Variants in TMA16 observed in about 807,000 individuals in gnomAD.
TMA16 encodes translation machinery associated 16 homolog, also known as translation machinery-associated protein 16.
Under a neutral mutation model 27.1 loss-of-function variants are expected in TMA16, and 26 were observed. That is an observed-to-expected ratio of 0.96 (90% CI 0.70 to 1.33). The LOEUF (loss-of-function observed/expected upper bound fraction) is 1.33, where lower values mean the gene tolerates loss of function less well. Among genes scored for constraint, TMA16 ranks in the 40% most tolerant of loss-of-function variants. TMA16 has a pLI of 0.00. For missense variants in TMA16, 233 were observed against 241.4 expected (o/e 0.97, Z 0.23); for synonymous variants, 71 against 81.9 (o/e 0.87, Z 0.72).
intron 1 of TMA16, among the ~76,000 whole-genome samples, chr4:163,498,831 A>AT (rs1014214635): frequency 2.6e-5 from 4 of 151,756 alleles, no homozygotes; most frequent in Admixed American, 6.6e-5. Context: ...AATTTTTTAG[A>AT]TTTTTTTGTA....
chr4:163,519,636 T>C lies in TMA16; in HGVS notation c.*122T>C. On this transcript the variant is annotated 3_prime_UTR_variant, in exon 7 of 7. Transcript: ENST00000358572. ...GACATTCTCTTATATGATGAGAGTTTCATTTGCGTTTCAAAAATGGTGTTA... is the reference window on the plus strand; with the variant it reads ...GACATTCTCTTATATGATGAGAGTTCCATTTGCGTTTCAAAAATGGTGTTA... 1.0e-6 allele frequency: 1 copy of C among 973,042 alleles called. No individual in the cohort carries two copies. 60.3% of individuals were successfully genotyped at this position (973,042 alleles called of 1,614,324 possible).
rs376743723 is a variant in TMA16, at chr4:163,494,773, A to T, written c.-29A>T. The T allele has an allele frequency of 2.5e-6, 4 of 1,612,866 alleles. No homozygotes were observed. The highest frequency in any genetic ancestry group is 3.4e-6 in the Non-Finnish European group (4 of 1,180,006). On this transcript the variant is annotated 5_prime_UTR_variant, in exon 1 of 7. Coordinates refer to ENST00000358572, the MANE Select transcript of TMA16 (RefSeq NM_018352.3). ...GAGATTACCTGGGTCTAGAGTGCGG[A>T]GCTGCTCCGTGGCCACGAGGACGTC...
Position 163,517,050 on chromosome 4 carries a change from C to T in TMA16, c.389-384C>T, listed in dbSNP as rs568664657. 30 of 171,524 alleles carry T rather than the reference C, an allele frequency of 1.7e-4. 1 individual carries two copies. The highest frequency in any genetic ancestry group is 1.6e-3 in the Admixed American group (25 of 15,462). 10.6% of individuals were successfully genotyped at this position (171,524 alleles called of 1,614,324 possible). A position where few individuals can be genotyped will look rare whatever the true frequency, so the allele number is the denominator to read the frequency against. On this transcript the variant is annotated intron_variant, in intron 5 of 6. Coordinates refer to ENST00000358572, the MANE Select transcript of TMA16 (RefSeq NM_018352.3). ...TCCCGAGTAGCTGGGACTACAGGTG[C>T]CCGTCACCACGCCCGGCTAATTTTT...
intron 1 of TMA16, among the ~76,000 whole-genome samples, chr4:163,499,094 A>G (rs1737608116): frequency 6.6e-6 from 1 of 152,216 alleles, no homozygotes; most frequent in Non-Finnish European, 1.5e-5. Context: ...ATTACACATT[A>G]ATAATTCTAT....
chr4:163,494,826 C>T lies in TMA16; in HGVS notation c.3+22C>T, dbSNP rs947702363. ...CATGGTGGGCCCCCTCCTGCTCCCC[C>T]GAACCGCTCGGTTGGTTCCCCGGAA... On this transcript the variant is annotated intron_variant, in intron 1 of 6. Transcript: ENST00000358572. 5 of 1,610,966 alleles carry T rather than the reference C, an allele frequency of 3.1e-6. No homozygotes were observed. The African/African-American group carries it at 6.7e-5, about 21-fold the overall frequency.
intron 1 of TMA16, among the ~76,000 whole-genome samples, chr4:163,502,895 G>A (rs1022537214): frequency 2.6e-5 from 4 of 152,134 alleles, no homozygotes; most frequent in Non-Finnish European, 4.4e-5. Context: ...GTAATTTACC[G>A]TCATTCACGG....
At chr4:163,507,191 C>CTTT (rs1179287556) in intron 2 of TMA16, 46 bp downstream of exon 2, 9 of 1,471,074 alleles carry the variant, frequency 6.1e-6, no homozygotes, top group Non-Finnish European at 8.3e-6. Flanking sequence ...TAAAAAGCCC[C>CTTT]TTTATACTTT....
At chr4:163,501,824 A>G (rs1737654190) in intron 1 of TMA16, among the ~76,000 whole-genome samples, 1 of 152,172 alleles carries the variant, frequency 6.6e-6, no homozygotes, top group Non-Finnish European at 1.5e-5. Context: ...AATGTTTAGT[A>G]AATTTCTTGA....
chr4:163,505,177 A>G (rs573911660), intron 1 of TMA16, among the ~76,000 whole-genome samples: 3 of 152,346 alleles, frequency 2.0e-5, no homozygotes, highest in Non-Finnish European at 4.4e-5. Context: ...GCAGCCTGCC[A>G]AATGTCCTGA....
chr4:163,498,692 T>C (rs1302128626), intron 1 of TMA16, among the ~76,000 whole-genome samples: 7 of 152,102 alleles, frequency 4.6e-5, no homozygotes, highest in African/African-American at 1.4e-4. Context: ...AGAGATGGAG[T>C]CTCACTCTGT....
intron 2 of TMA16, chr4:163,512,296 G>A (rs1403765284): frequency 6.6e-6 from 1 of 152,176 alleles, no homozygotes; most frequent in African/African-American, 2.4e-5. Flanking sequence ...GAATGAGTAA[G>A]TGTTTAGAAT....
In TMA16 at chr4:163,515,298, T is replaced by C. The variant is rs1470891880; in HGVS notation, c.240-15T>C. The C allele has an allele frequency of 6.3e-7, 1 of 1,599,592 alleles. No homozygotes were observed. Among genetic ancestry groups the C allele is most frequent in the South Asian group, 1.1e-5 (1 of 88,326 alleles). On this transcript the variant is annotated splice_polypyrimidine_tract_variant and intron_variant, in intron 4 of 6. Coordinates refer to ENST00000358572, the MANE Select transcript of TMA16 (RefSeq NM_018352.3). ...ATACTTTGTATGTAACACAAATCATTTTCGTATTTTTCAGGTACTTAAATC... is the reference window on the plus strand; with the variant it reads ...ATACTTTGTATGTAACACAAATCATCTTCGTATTTTTCAGGTACTTAAATC...
Position 163,520,173 on chromosome 4 carries a change from T to A in TMA16, c.*659T>A, listed in dbSNP as rs1345520419. 6.1e-6 allele frequency: 2 copies of A among 330,530 alleles called. No individual in the cohort carries two copies. Among genetic ancestry groups the A allele is most frequent in the East Asian group, 5.6e-5 (1 of 17,906 alleles). The allele number at this position is 330,530 out of a possible 1,614,324, so 20.5% of individuals were successfully genotyped here. A position where few individuals can be genotyped will look rare whatever the true frequency, so the allele number is the denominator to read the frequency against. On this transcript the variant is annotated 3_prime_UTR_variant, in exon 7 of 7. Coordinates refer to ENST00000358572, the MANE Select transcript of TMA16 (RefSeq NM_018352.3). ...TTTAGCTCCTTTTGATTGTATATTA[T>A]TTTTTGCTTTTTTATTGTGAAAAGA...
At chr4:163,517,590 AC>A (rs1404703233) in intron 6 of TMA16, 114 bp downstream of exon 6, 8 of 991,066 alleles carry the variant, frequency 8.1e-6, no homozygotes, top group African/African-American at 6.7e-5. Flanking sequence ...GTTTCTTTTA[AC>A]CTTTTCTTTT....
At chr4:163,514,888 G>C (rs916190748) in intron 4 of TMA16, among the ~76,000 whole-genome samples, 4 of 152,088 alleles carry the variant, frequency 2.6e-5, no homozygotes, top group Non-Finnish European at 5.9e-5. Context: ...TGAAAACTTA[G>C]GTGTGGAATA....
chr4:163,515,163 T>C (rs1737855582), intron 4 of TMA16, 150 bp from the exon 5 acceptor site: 1 of 688,784 alleles, frequency 1.5e-6, no homozygotes, highest in Non-Finnish European at 2.3e-6. Flanking sequence ...ATCCAGGGAA[T>C]GGGTAAAAGA....
At chr4:163,507,740 AAAG>A (rs752241410) in intron 2 of TMA16, among the ~76,000 whole-genome samples, 1 of 152,088 alleles carries the variant, frequency 6.6e-6, no homozygotes, top group Non-Finnish European at 1.5e-5. Context: ...GAGGTTAGGA[AAAG>A]AAGGAGCATT....
chr4:163,494,700 TG>T lies in TMA16; in HGVS notation c.-99del. On this transcript the variant is annotated 5_prime_UTR_variant, in exon 1 of 7. Transcript: ENST00000358572. ...CGGCGCGGGCTTCTCAGGCGCCACG[TG>T]GGATTCGGCCCGGGTGCTCTTGTGA... The T allele has an allele frequency of 6.5e-7, 1 of 1,540,528 alleles. No homozygotes were observed. The highest frequency in any genetic ancestry group is 9.0e-7 in the Non-Finnish European group (1 of 1,116,592).
Position 163,519,961 on chromosome 4 carries a change from A to G in TMA16, c.*447A>G, listed in dbSNP as rs1380167420. 3.4e-6 allele frequency: 2 copies of G among 596,652 alleles called. No individual in the cohort carries two copies. Among genetic ancestry groups the G allele is most frequent in the East Asian group, 3.1e-5 (1 of 32,314 alleles). The allele number at this position is 596,652 out of a possible 1,614,324, so 37.0% of individuals were successfully genotyped here. A position where few individuals can be genotyped will look rare whatever the true frequency, so the allele number is the denominator to read the frequency against. On this transcript the variant is annotated 3_prime_UTR_variant, in exon 7 of 7. Coordinates refer to ENST00000358572, the MANE Select transcript of TMA16 (RefSeq NM_018352.3). ...CACTAATGCTTCTTTTAAACATTAA[A>G]CCTATTTTCCTTTTTTACAGAATAA...
Sources: gnomAD v4.1 joint callset for allele counts (sites outside exome capture counted in the v4.1 genomes callset) on GRCh38, gnomAD v4.1.1 for gene constraint, MANE v1.5 for transcripts, NCBI Gene and HGNC (gene_info 2026-07-23, HGNC 2026-07-21) for gene names.